Variants in GTPBP2 observed in about 807,000 individuals in gnomAD.
GTPBP2 encodes GTP binding protein 2.
GTPBP2 carries 32 observed loss-of-function variants against 63.0 expected under a neutral mutation model. The ratio of observed to expected loss-of-function variants is 0.51; its 90% CI spans 0.38 to 0.68. The LOEUF (loss-of-function observed/expected upper bound fraction) is 0.68, where lower values mean the gene tolerates loss of function less well. Ranked by LOEUF, GTPBP2 falls within the 30% of genes least tolerant of loss-of-function variation. GTPBP2 has a pLI of 0.00. For synonymous variants in GTPBP2, 310 were observed against 322.6 expected (o/e 0.96, Z 0.42); for missense variants, 492 against 796.9 (o/e 0.62, Z 4.61).
Position 43,625,658 on chromosome 6 carries a change from A to T in GTPBP2, c.507+98T>A. 1.4e-6 allele frequency: 2 copies of T among 1,400,262 alleles called. No individual in the cohort carries two copies. Among genetic ancestry groups the T allele is most frequent in the Non-Finnish European group, 2.0e-6 (2 of 985,870 alleles). 86.7% of individuals were successfully genotyped at this position (1,400,262 alleles called of 1,614,324 possible). A position where few individuals can be genotyped will look rare whatever the true frequency, so the allele number is the denominator to read the frequency against. ...GACGCTCCCTAGGGAGCAAGTGATG[A>T]ACTGGAAGCCCCCAGGATCCCAGGC... is the stretch of plus-strand genomic sequence containing the variant. On this transcript the variant is annotated intron_variant, in intron 4 of 11. Transcript: ENST00000307126. This position sits in a 1 kb window ranked among gnomAD's most constrained non-coding sequence, Gnocchi z 5.1.
At chr6:43,630,726 G>C (rs1233101176), upstream of GTPBP2, among the ~76,000 whole-genome samples, 1 of 148,920 alleles carries the variant, frequency 6.7e-6, no homozygotes, top group African/African-American at 2.5e-5. Flanking sequence ...CTGGGCAACA[G>C]AGCGAGACTC....
In GTPBP2 at chr6:43,622,369, C is replaced by T. The variant is rs779871122; in HGVS notation, c.1468-202G>A. On this transcript the variant is annotated intron_variant, in intron 10 of 11. Transcript: ENST00000307126. This position sits in a 1 kb window ranked among gnomAD's most constrained non-coding sequence, Gnocchi z 5.4. ...CTCCTACGTCCTCTAGCCCATCTAA[C>T]GCTTCACATTTTTAGGGTCCTGAAC... Among the ~76,000 whole-genome samples, 17 of 152,168 alleles carry T rather than the reference C, an allele frequency of 1.1e-4. No individual in the cohort carries two copies. The highest frequency in any genetic ancestry group is 3.6e-4 in the African/African-American group (15 of 41,430).
chr6:43,629,089 A>C lies in GTPBP2; in HGVS notation c.74T>G (p.Leu25Arg). ...GCTGCTGCCGGCCCCCCTAGCCTTGAGGGTTCCGCCCACGGCCGGGCCCCC... is the reference window on the plus strand; with the variant it reads ...GCTGCTGCCGGCCCCCCTAGCCTTGCGGGTTCCGCCCACGGCCGGGCCCCC... ...PGGGPAVGGT[L>R]KARGAGSSSG... is the part of the protein sequence containing the mutation. The change falls in exon 1 of 12, where the codon CTC becomes CGC. Residue 25 changes from leucine (L) to arginine (R), a missense_variant. Physicochemically the swap from Leu to Arg is moderately radical, Grantham distance 102. This residue lies in a region of GTPBP2 where 92 missense variants were observed against 86.1 expected (regional missense o/e 1.07). Transcript: ENST00000307126. 6.3e-7 allele frequency: 1 copy of C among 1,585,228 alleles called. No homozygotes were observed. The highest frequency in any genetic ancestry group is 2.3e-5 in the East Asian group (1 of 43,354).
At position 43,629,148 on chromosome 6, in the gene GTPBP2, T is replaced by A; in HGVS notation, c.15A>T (p.Val5=). The A allele has an allele frequency of 6.9e-7, 1 of 1,443,858 alleles. No individual in the cohort carries two copies. The highest frequency in any genetic ancestry group is 1.4e-5 in the South Asian group (1 of 73,944). 89.4% of individuals were successfully genotyped at this position (1,443,858 alleles called of 1,614,324 possible). A position where few individuals can be genotyped will look rare whatever the true frequency, so the allele number is the denominator to read the frequency against. The change falls in exon 1 of 12, where the codon GTA becomes GTT. Residue 5 remains valine (V), a synonymous_variant. Transcript: ENST00000307126. ...GGCAGCAGCCGCCGAACAGCTCCGA[T>A]ACCCGCGAGTCCATCCGCCGCTGCC... MDSR[V]SELFGGCCRP... is the part of the protein sequence containing the mutation.
At position 43,625,139 on chromosome 6, in the gene GTPBP2, T is replaced by G. The variant is rs1769193733; in HGVS notation, c.706-77A>C. Reference sequence around the variant, plus strand: ...TTCAGAGTTGCCAGGACCTAAACCATTCCCTGGGTGACCCTGCCTCTTAAT... The same window carrying G: ...TTCAGAGTTGCCAGGACCTAAACCAGTCCCTGGGTGACCCTGCCTCTTAAT... On this transcript the variant is annotated intron_variant, in intron 5 of 11. Coordinates refer to ENST00000307126, the MANE Select transcript of GTPBP2 (RefSeq NM_019096.5). This position sits in a 1 kb window ranked among gnomAD's most constrained non-coding sequence, Gnocchi z 5.1. 1 of 1,341,900 alleles carries G rather than the reference T, an allele frequency of 7.5e-7. No individual in the cohort carries two copies. Among genetic ancestry groups the G allele is most frequent in the Non-Finnish European group, 1.0e-6 (1 of 957,632 alleles). 83.1% of individuals were successfully genotyped at this position (1,341,900 alleles called of 1,614,324 possible).
chr6:43,629,308 T>A (rs1203681248), upstream of GTPBP2: 11 of 621,970 alleles, frequency 1.8e-5, no homozygotes, highest in Non-Finnish European at 2.6e-5. Flanking sequence ...CTCCCTGGCC[T>A]CCGGGTCGCG....
At chr6:43,623,454 T>C (rs1365802145) in intron 9 of GTPBP2, 1 of 467,096 alleles carries the variant, frequency 2.1e-6, no homozygotes, top group Non-Finnish European at 3.8e-6. Context: ...CTGTGTGAGA[T>C]GAAGTCAGTT....
rs1428641150 is a variant in GTPBP2, at chr6:43,625,998, C to A, written c.399-134G>T. 2 of 747,866 alleles carry A rather than the reference C, an allele frequency of 2.7e-6. No individual in the cohort carries two copies. Among genetic ancestry groups the A allele is most frequent in the South Asian group, 1.5e-5 (1 of 64,916 alleles). The allele number at this position is 747,866 out of a possible 1,614,324, so 46.3% of individuals were successfully genotyped here. On this transcript the variant is annotated intron_variant, in intron 3 of 11. Coordinates refer to ENST00000307126, the MANE Select transcript of GTPBP2 (RefSeq NM_019096.5). The surrounding 1 kb of genome is among the most constrained non-coding windows in gnomAD (Gnocchi z 5.1). ...AGTGCACTTCCTACCACCCTCCAAT[C>A]TATTCCTCATTCACAGTTCCCTTTA...
upstream of GTPBP2, chr6:43,629,308 T>C: frequency 1.6e-6 from 1 of 622,084 alleles, no homozygotes; most frequent in Non-Finnish European, 2.6e-6. Flanking sequence ...CTCCCTGGCC[T>C]CCGGGTCGCG....
In GTPBP2 at chr6:43,625,763, T is replaced by C. The variant is rs1243607456; in HGVS notation, c.500A>G (p.Asn167Ser). Residue 167 changes from asparagine to serine, a missense_variant, in exon 4 of 12, where the codon AAC (asparagine) becomes AGC (serine). Physicochemically the swap from Asn to Ser is conservative, Grantham distance 46. Transcript: ENST00000307126. The surrounding 1 kb of genome is among the most constrained non-coding windows in gnomAD (Gnocchi z 5.1). ...GGATGGGTGTGTGCTCACCTGTTGGTTGTCAGGGACCTTTCGTACTAGCAC... is the reference window on the plus strand; with the variant it reads ...GGATGGGTGTGTGCTCACCTGTTGGCTGTCAGGGACCTTTCGTACTAGCAC... Reference protein sequence around the residue: ...TEVLVRKVPDNQQFLDLRVAV... With the variant: ...TEVLVRKVPDSQQFLDLRVAV... The C allele has an allele frequency of 1.4e-5, 23 of 1,610,102 alleles. No homozygotes were observed. The highest frequency in any genetic ancestry group is 1.9e-5 in the Non-Finnish European group (22 of 1,176,416).
chr6:43,625,867 G>T lies in GTPBP2; in HGVS notation c.399-3C>A. On this transcript the variant is annotated splice_polypyrimidine_tract_variant and splice_region_variant and intron_variant, in intron 3 of 11. Coordinates refer to ENST00000307126, the MANE Select transcript of GTPBP2 (RefSeq NM_019096.5). The surrounding 1 kb of genome is among the most constrained non-coding windows in gnomAD (Gnocchi z 5.1). Reference sequence around the variant, plus strand: ...GAACGGTTATGTCTGCCCCAACCCTGTCACAGCAAGGCCACAGCTGCCATA... The same window carrying T: ...GAACGGTTATGTCTGCCCCAACCCTTTCACAGCAAGGCCACAGCTGCCATA... 6.2e-7 allele frequency: 1 copy of T among 1,608,654 alleles called. No homozygotes were observed. Among genetic ancestry groups the T allele is most frequent in the Non-Finnish European group, 8.5e-7 (1 of 1,175,106 alleles).
chr6:43,624,716 C>T lies in GTPBP2; in HGVS notation c.894G>A (p.Arg298=), dbSNP rs746139661. Residue 298 remains arginine, a synonymous_variant, in exon 7 of 12, where the codon AGG becomes AGA. Transcript: ENST00000307126. The surrounding 1 kb of genome is among the most constrained non-coding windows in gnomAD (Gnocchi z 5.1). ...GGGCCAGGGCCAGCCCCAGATGTTC[C>T]CTTGTGGTGCCAGCTGCCTCATAAG... ...SANTGIAGTT[R]EHLGLALALK... The T allele has an allele frequency of 5.6e-6, 9 of 1,613,640 alleles. No homozygotes were observed. In the East Asian group the frequency reaches 2.0e-4, roughly 36 times the overall value.
rs1768657940 is a variant in GTPBP2, at chr6:43,620,684, C to A, written c.*930G>T. 2.0e-5 allele frequency: 3 copies of A among 153,026 alleles called. No individual in the cohort carries two copies. The South Asian group carries it at 6.2e-4, about 32-fold the overall frequency. 9.5% of individuals were successfully genotyped at this position (153,026 alleles called of 1,614,324 possible). On this transcript the variant is annotated 3_prime_UTR_variant, in exon 12 of 12. Coordinates refer to ENST00000307126, the MANE Select transcript of GTPBP2 (RefSeq NM_019096.5). The stretch of plus-strand genomic sequence containing the variant: ...GAAATATGGCAACATCTTTCCCTTT[C>A]CTCCTGGTTCCCTGCAACAGAGGGA...
At position 43,622,563 on chromosome 6, in the gene GTPBP2, G is replaced by T; in HGVS notation, c.1467+70C>A. 2 of 1,405,450 alleles carry T rather than the reference G, an allele frequency of 1.4e-6. No individual in the cohort carries two copies. The highest frequency in any genetic ancestry group is 2.0e-6 in the Non-Finnish European group (2 of 1,010,880). 87.1% of individuals were successfully genotyped at this position (1,405,450 alleles called of 1,614,324 possible). A position where few individuals can be genotyped will look rare whatever the true frequency, so the allele number is the denominator to read the frequency against. ...TTTCTCTGAAGCACCTTAGATAGGT[G>T]CTCATTCAGTAGCCAGTCTCCTAGG... On this transcript the variant is annotated intron_variant, in intron 10 of 11. Transcript: ENST00000307126. This position sits in a 1 kb window ranked among gnomAD's most constrained non-coding sequence, Gnocchi z 5.4.
chr6:43,621,811 C>T, intron 11 of GTPBP2, 21 bp from the exon 12 acceptor site: 1 of 1,614,048 alleles, frequency 6.2e-7, no homozygotes, highest in South Asian at 1.1e-5. Flanking sequence ...TAAGTGGTCA[C>T]TCCCCTGGCC....
In GTPBP2 at chr6:43,625,193, T is replaced by C. The variant is rs1769199481; in HGVS notation, c.706-131A>G. 9.6e-7 allele frequency: 1 copy of C among 1,038,618 alleles called. No homozygotes were observed. Among genetic ancestry groups the C allele is most frequent in the African/African-American group, 1.6e-5 (1 of 62,924 alleles). 64.3% of individuals were successfully genotyped at this position (1,038,618 alleles called of 1,614,324 possible). On this transcript the variant is annotated intron_variant, in intron 5 of 11. Transcript: ENST00000307126. This position sits in a 1 kb window ranked among gnomAD's most constrained non-coding sequence, Gnocchi z 5.1. The stretch of plus-strand genomic sequence containing the variant: ...GACCCCATTTTTTATTTAATTTAGT[T>C]GATTCCCCATTGATTTCCTAAGAGG...
intron 1 of GTPBP2, 113 bp downstream of exon 1, chr6:43,628,864 T>C: frequency 8.4e-7 from 1 of 1,186,846 alleles, no homozygotes; most frequent in Non-Finnish European, 1.3e-6. Flanking sequence ...GTGCCCCTCC[T>C]CCCTGGGGTC....
chr6:43,622,151 C>A lies in GTPBP2; in HGVS notation c.1484G>T (p.Ser495Ile). 1.9e-6 allele frequency: 3 copies of A among 1,611,636 alleles called. No individual in the cohort carries two copies. The highest frequency in any genetic ancestry group is 2.5e-6 in the Non-Finnish European group (3 of 1,177,934). Residue 495 changes from serine to isoleucine, a missense_variant, in exon 11 of 12, where the codon AGC becomes ATC. Ser to Ile is a moderately radical substitution (Grantham distance 142). This residue lies in a region of GTPBP2 where 400 missense variants were observed against 710.8 expected (regional missense o/e 0.56). Transcript: ENST00000307126. The surrounding 1 kb of genome is among the most constrained non-coding windows in gnomAD (Gnocchi z 5.4). ...ALLRKGMVMV[S>I]PEMNPTICSV... ...GCAGATGGTAGGATTCATCTCCGGGCTCACCATCACCATGCCCTGGGGAGG... is the reference window on the plus strand; with the variant it reads ...GCAGATGGTAGGATTCATCTCCGGGATCACCATCACCATGCCCTGGGGAGG...
Position 43,622,764 on chromosome 6 carries a change from T to A in GTPBP2, c.1336A>T (p.Thr446Ser), listed in dbSNP as rs1309487725. The A allele has an allele frequency of 6.2e-7, 1 of 1,614,088 alleles. No homozygotes were observed. Among genetic ancestry groups the A allele is most frequent in the Admixed American group, 1.7e-5 (1 of 60,014 alleles). The change falls in exon 10 of 12, where the codon ACG becomes TCG. Residue 446 changes from threonine to serine, a missense_variant. Coordinates refer to ENST00000307126, the MANE Select transcript of GTPBP2 (RefSeq NM_019096.5). The surrounding 1 kb of genome is among the most constrained non-coding windows in gnomAD (Gnocchi z 5.4). ...AGCTCCAGGAAGCAGCCATCATCCG[T>A]GGGGCCCACCACCAGCTGGTCCCCC... ...REGDQLVVGP[T>S]DDGCFLELRV...
Sources: allele counts gnomAD v4.1 joint callset (sites outside exome capture counted in the v4.1 genomes callset), GRCh38; gene constraint gnomAD v4.1.1; regional missense constraint gnomAD v4.1.1; non-coding constraint Gnocchi (gnomAD v3.1); transcripts MANE v1.5; gene names NCBI Gene and HGNC (gene_info 2026-07-23, HGNC 2026-07-21).